The following ARHGAP21 variants were observed in gnomAD, a reference collection of about 807,000 sequenced individuals.
ARHGAP21 encodes the protein Rho GTPase activating protein 21.
ARHGAP21 carries 38 observed loss-of-function variants against 164.6 expected under a neutral mutation model. That is an observed-to-expected ratio of 0.23 (90% CI 0.18 to 0.30). The LOEUF (loss-of-function observed/expected upper bound fraction) is 0.30. Ranked by LOEUF, ARHGAP21 falls within the 10% of genes least tolerant of loss-of-function variation. The probability of loss-of-function intolerance (pLI) is 1.00; values close to 1 mark genes in which losing one functional copy is unlikely to be tolerated. For synonymous variants in ARHGAP21, 766 were observed against 857.9 expected, an observed-to-expected ratio of 0.89 and a Z score of 1.87; for missense variants, 1,822 against 2,370.7, an observed-to-expected ratio of 0.77 and a Z score of 4.81.
chr10:24,714,948 TG>T (rs1364543243), intron 2 of ARHGAP21, among the ~76,000 whole-genome samples: 1 of 150,844 alleles, frequency 6.6e-6, no homozygotes, highest in Non-Finnish European at 1.5e-5. Flanking sequence ...GAGAAAGGCA[TG>T]AGCCCGCGAG....
At position 24,712,576 on chromosome 10, in the gene ARHGAP21, T is replaced by C. The variant is rs1254109492; in HGVS notation, c.63+9261A>G. 2.6e-5 allele frequency among the ~76,000 whole-genome samples: 4 copies of C among 152,282 alleles called. No individual in the cohort carries two copies. In the South Asian group the frequency reaches 6.2e-4, roughly 24 times the overall value. On this transcript the variant is annotated intron_variant, in intron 2 of 25. Transcript: ENST00000396432. ...TGTTATACTGTGGTTTTGGGAATAA[T>C]GACAAGAACAAAAACTCTGTACTTG...
At position 24,584,383 on chromosome 10, in the gene ARHGAP21, T is replaced by A. The variant is rs780396549; in HGVS notation, c.*29A>T. ...ACTGGAACGTGTAACAGTAGTTTTT[T>A]TACTTGCTAGAGTGGACATACCCCC... is the stretch of plus-strand genomic sequence containing the variant. On this transcript the variant is annotated 3_prime_UTR_variant, in exon 26 of 26. Coordinates refer to ENST00000396432, the MANE Select transcript of ARHGAP21 (RefSeq NM_020824.4). 1 of 1,536,862 alleles carries A rather than the reference T, an allele frequency of 6.5e-7. No individual in the cohort carries two copies. Among genetic ancestry groups the A allele is most frequent in the East Asian group, 2.3e-5 (1 of 44,384 alleles).
chr10:24,689,854 G>GTATATGTATGTGTATATATACATGTA (rs1842561393), intron 2 of ARHGAP21, among the ~76,000 whole-genome samples: 1 of 141,326 alleles, frequency 7.1e-6, no homozygotes, highest in African/African-American at 2.6e-5. Context: ...ATGTATATAT[G>GTATATGTATGTGTATATATACATGTA]TATATGTATG....
At chr10:24,622,468 A>G (rs1376249300) in intron 8 of ARHGAP21, among the ~76,000 whole-genome samples, 1 of 81,022 alleles carries the variant, frequency 1.2e-5, no homozygotes, top group Admixed American at 1.4e-4. Context: ...ATATATATAT[A>G]TATATATATA....
chr10:24,668,317 T>C (rs898420517), intron 3 of ARHGAP21, among the ~76,000 whole-genome samples: 9 of 152,240 alleles, frequency 5.9e-5, no homozygotes, highest in African/African-American at 2.2e-4. Context: ...TGTGTGAAGT[T>C]TGCACATTCT....
intron 25 of ARHGAP21, among the ~76,000 whole-genome samples, chr10:24,586,998 C>T (rs2076130968): frequency 6.6e-6 from 1 of 152,102 alleles, no homozygotes; most frequent in African/African-American, 2.4e-5. Context: ...CATGAGGGTA[C>T]CATTGCACTC....
At chr10:24,696,114 C>G (rs771998546) in intron 2 of ARHGAP21, among the ~76,000 whole-genome samples, 1 of 152,228 alleles carries the variant, frequency 6.6e-6, no homozygotes, top group Non-Finnish European at 1.5e-5. Flanking sequence ...ACAATAGTTT[C>G]CAGGCATTGG....
In ARHGAP21 at chr10:24,600,914, A is replaced by G. The variant is rs1275794404; in HGVS notation, c.2864T>C (p.Ile955Thr). The change falls in exon 14 of 26, where the codon ATT becomes ACT. Residue 955 changes from isoleucine (I) to threonine (T), a missense_variant. This residue lies in a region of ARHGAP21 where 1,090 missense variants were observed against 1,378.9 expected (regional missense o/e 0.79). Coordinates refer to ENST00000396432, the MANE Select transcript of ARHGAP21 (RefSeq NM_020824.4). ...TDKGKRVGGS[I>T]RPWKQMYVVL... ...AACATACATCTGTTTCCATGGCCGA[A>G]TACTTCCACCAACTCGCTAGAAAAC... is the stretch of plus-strand genomic sequence containing the variant. 6.2e-6 allele frequency: 10 copies of G among 1,610,734 alleles called. No homozygotes were observed. In the South Asian group the frequency reaches 9.9e-5, roughly 16 times the overall value.
chr10:24,698,307 T>C (rs1843356224), intron 2 of ARHGAP21, among the ~76,000 whole-genome samples: 1 of 152,130 alleles, frequency 6.6e-6, no homozygotes, highest in Admixed American at 6.6e-5. Flanking sequence ...CAAGAAATCA[T>C]CTAATCAGTT....
At chr10:24,666,277 G>A (rs556595161) in intron 4 of ARHGAP21, among the ~76,000 whole-genome samples, 33 of 152,250 alleles carry the variant, frequency 2.2e-4, no homozygotes, top group African/African-American at 6.5e-4. Context: ...TGATCCACCC[G>A]CCTCAGCCTC....
intron 9 of ARHGAP21, among the ~76,000 whole-genome samples, chr10:24,613,916 T>C (rs551322380): frequency 3.3e-5 from 5 of 152,186 alleles, no homozygotes; most frequent in African/African-American, 7.2e-5. Context: ...TGCAGTCCCA[T>C]AGATCAAACA....
intron 3 of ARHGAP21, among the ~76,000 whole-genome samples, chr10:24,668,599 T>G (rs983540645): frequency 1.3e-5 from 2 of 152,156 alleles, no homozygotes; most frequent in African/African-American, 2.4e-5. Flanking sequence ...CACATTTACT[T>G]CAATGTTTAA....
In ARHGAP21 at chr10:24,666,980, C is replaced by T; in HGVS notation, c.268+5G>A. The T allele has an allele frequency of 7.0e-7, 1 of 1,431,484 alleles. No homozygotes were observed. The allele number at this position is 1,431,484 out of a possible 1,614,324, so 88.7% of individuals were successfully genotyped here. A position where few individuals can be genotyped will look rare whatever the true frequency, so the allele number is the denominator to read the frequency against. On this transcript the variant is annotated splice_donor_5th_base_variant and intron_variant, in intron 4 of 25. Transcript: ENST00000396432. The stretch of plus-strand genomic sequence containing the variant: ...CAGAGATAAATTAAAATGTTTATAG[C>T]ATACCTCCTCTGTTTCCATTTTCTT...
chr10:24,689,794 ATATATG>A (rs1213766050), intron 2 of ARHGAP21, among the ~76,000 whole-genome samples: 4 of 150,438 alleles, frequency 2.7e-5, no homozygotes, highest in Admixed American at 6.7e-5. Flanking sequence ...ATATATATGT[ATATATG>A]TATATGTATG....
chr10:24,638,459 C>T (rs1836617668), intron 4 of ARHGAP21, among the ~76,000 whole-genome samples: 1 of 152,174 alleles, frequency 6.6e-6, no homozygotes, highest in Admixed American at 6.5e-5. Flanking sequence ...TTCACAAGCT[C>T]TCTCAGGTCT....
chr10:24,595,440 G>C (rs2076538474), intron 19 of ARHGAP21, among the ~76,000 whole-genome samples: 3 of 152,132 alleles, frequency 2.0e-5, no homozygotes, highest in Non-Finnish European at 4.4e-5. Context: ...TGGCTTGACT[G>C]AAAAAACATT....
intron 2 of ARHGAP21, among the ~76,000 whole-genome samples, chr10:24,706,975 AAC>A (rs1220220760): frequency 6.6e-6 from 1 of 152,206 alleles, no homozygotes; most frequent in African/African-American, 2.4e-5. Flanking sequence ...AACAAATTCC[AAC>A]ACAAGGCTGT....
intron 2 of ARHGAP21, among the ~76,000 whole-genome samples, chr10:24,695,532 G>C (rs1254758607): frequency 6.6e-6 from 1 of 150,436 alleles, no homozygotes; most frequent in Non-Finnish European, 1.5e-5. Flanking sequence ...TTGCCCCACT[G>C]CATTCCAGCC....
At position 24,595,186 on chromosome 10, in the gene ARHGAP21, T is replaced by C. The variant is rs544929235; in HGVS notation, c.3717A>G (p.Lys1239=). 7 of 1,609,784 alleles carry C rather than the reference T, an allele frequency of 4.3e-6. No homozygotes were observed. The South Asian group carries it at 7.8e-5, about 18-fold the overall frequency. ...GATTGGCTTCAATAAAATCAGCATA[T>C]TTATCTGACGACAAGAACAATAAAA... The part of the protein sequence containing the change: ...KLPEPLFTND[K]YADFIEANRK... The change falls in exon 20 of 26, where the codon AAA becomes AAG. Residue 1239 remains lysine (K), a synonymous_variant. Transcript: ENST00000396432.
Sources: gnomAD v4.1 joint callset for allele counts (sites outside exome capture counted in the v4.1 genomes callset) on GRCh38, gnomAD v4.1.1 for gene constraint, gnomAD v4.1.1 regional missense constraint, MANE v1.5 for transcripts, NCBI Gene and HGNC (gene_info 2026-07-23, HGNC 2026-07-21) for gene names.